Variants in AMBRA1 observed in about 807,000 individuals in gnomAD.
AMBRA1 encodes autophagy and beclin 1 regulator 1.
Under a neutral mutation model 125.4 loss-of-function variants are expected in AMBRA1, and 47 were observed. The observed-to-expected ratio is 0.37, with a 90% CI of 0.30 to 0.48. AMBRA1 has a LOEUF of 0.48. Among genes scored for constraint, AMBRA1 ranks in the 20% least tolerant of loss-of-function variants. The probability of loss-of-function intolerance (pLI) is 0.99; values close to 1 mark genes in which losing one functional copy is unlikely to be tolerated. For missense variants in AMBRA1, 1,331 were observed against 1,693.4 expected (o/e 0.79, Z 3.76); for synonymous variants, 626 against 655.5 (o/e 0.95, Z 0.69).
Position 46,547,882 on chromosome 11 carries a change from G to GAAAA in AMBRA1, c.136-8_136-7insTTTT. The GAAAA allele has an allele frequency of 6.6e-7, 1 of 1,517,194 alleles. No individual in the cohort carries two copies. The highest frequency in any genetic ancestry group is 8.7e-7 in the Non-Finnish European group (1 of 1,143,558). The allele number at this position is 1,517,194 out of a possible 1,614,324, so 94.0% of individuals were successfully genotyped here. On this transcript the variant is annotated splice_polypyrimidine_tract_variant and splice_region_variant and intron_variant, in intron 2 of 17. Coordinates refer to ENST00000683756, the MANE Select transcript of AMBRA1 (RefSeq NM_001387011.1). ...TATCCGGCAGTTCTACTCTCTGGGA[G>GAAAA]ACAAAAAAAAAAAAAAAGTTAAAAT...
chr11:46,558,426 G>A (rs1591119232), intron 1 of AMBRA1, among the ~76,000 whole-genome samples: 1 of 151,872 alleles, frequency 6.6e-6, no homozygotes, highest in Non-Finnish European at 1.5e-5. Flanking sequence ...GCACATGCCT[G>A]TAATCCCAGC....
intron 15 of AMBRA1, among the ~76,000 whole-genome samples, chr11:46,417,299 C>T (rs1399413966): frequency 6.6e-6 from 1 of 152,140 alleles, no homozygotes; most frequent in Non-Finnish European, 1.5e-5. Context: ...ATCCGCCTGC[C>T]TCAGCTTCTC....
At chr11:46,589,141 C>T (rs747903825) in intron 1 of AMBRA1, among the ~76,000 whole-genome samples, 1 of 152,196 alleles carries the variant, frequency 6.6e-6, no homozygotes, top group Non-Finnish European at 1.5e-5. Flanking sequence ...CTCCTGATTA[C>T]TTAATCTATT....
chr11:46,541,965 A>G lies in AMBRA1; in HGVS notation c.2052T>C (p.Ser684=), dbSNP rs1952765462. ...ALHQDMPEES[S]EEDSLRRRLL... ...CTTACCTCCTGAGTGAATCCTCCTCAGAGCTCTCCTCAGGCATATCCTGAT... is the reference window on the plus strand; with the variant it reads ...CTTACCTCCTGAGTGAATCCTCCTCGGAGCTCTCCTCAGGCATATCCTGAT... Residue 684 remains serine (S), a synonymous_variant, in exon 7 of 18, where the codon TCT becomes TCC. Coordinates refer to ENST00000683756, the MANE Select transcript of AMBRA1 (RefSeq NM_001387011.1). The G allele has an allele frequency of 2.5e-6, 4 of 1,612,318 alleles. No homozygotes were observed. Among genetic ancestry groups the G allele is most frequent in the Non-Finnish European group, 3.4e-6 (4 of 1,179,562 alleles).
chr11:46,511,010 G>A (rs985771103), intron 8 of AMBRA1, among the ~76,000 whole-genome samples: 1 of 152,142 alleles, frequency 6.6e-6, no homozygotes, highest in Non-Finnish European at 1.5e-5. Flanking sequence ...TGTATTCAAA[G>A]TGTAAAAATA....
In AMBRA1 at chr11:46,543,177, C is replaced by T; in HGVS notation, c.840G>A (p.Glu280=). Residue 280 remains glutamate (E), a synonymous_variant, in exon 7 of 18, where the codon GAG becomes GAA. Transcript: ENST00000683756. Reference sequence around the variant, plus strand: ...TGATGTAAGCGGAAGTCCTGGGGCGCTCCGTGGAGGGCTGAGGGGGAGGCG... The same window carrying T: ...TGATGTAAGCGGAAGTCCTGGGGCGTTCCGTGGAGGGCTGAGGGGGAGGCG... ...PPPPPPQPST[E]RPRTSAYIRL... 2 of 1,571,768 alleles carry T rather than the reference C, an allele frequency of 1.3e-6. No homozygotes were observed. Among genetic ancestry groups the T allele is most frequent in the Non-Finnish European group, 1.7e-6 (2 of 1,160,292 alleles).
At chr11:46,592,961 G>A (rs2044660131) in intron 1 of AMBRA1, among the ~76,000 whole-genome samples, 1 of 148,450 alleles carries the variant, frequency 6.7e-6, no homozygotes, top group South Asian at 2.1e-4. Flanking sequence ...AAACAATGTA[G>A]ACAACAAGGT....
chr11:46,532,850 C>A (rs906551612), intron 7 of AMBRA1, among the ~76,000 whole-genome samples: 1 of 152,220 alleles, frequency 6.6e-6, no homozygotes, highest in African/African-American at 2.4e-5. Context: ...AATTAATTTT[C>A]ATTTACCACT....
At chr11:46,402,990 TAC>T (rs1298072078) in intron 17 of AMBRA1, among the ~76,000 whole-genome samples, 1 of 152,190 alleles carries the variant, frequency 6.6e-6, no homozygotes, top group Non-Finnish European at 1.5e-5. Flanking sequence ...AAATGGCAGT[TAC>T]AGTCAGGGAT....
At chr11:46,510,341 C>G (rs1402758325) in intron 8 of AMBRA1, among the ~76,000 whole-genome samples, 1 of 152,198 alleles carries the variant, frequency 6.6e-6, no homozygotes, top group Admixed American at 6.5e-5. Context: ...AATTTTCAAC[C>G]AACAGAAGTC....
intron 12 of AMBRA1, among the ~76,000 whole-genome samples, chr11:46,436,506 C>G (rs1397407159): frequency 6.6e-6 from 1 of 152,232 alleles, no homozygotes; most frequent in East Asian, 1.9e-4. Context: ...CAAATACTCA[C>G]TGCTATCACC....
At chr11:46,593,716 C>A (rs1405083003) in intron 1 of AMBRA1, 112 bp downstream of exon 1, 2 of 377,872 alleles carry the variant, frequency 5.3e-6, no homozygotes, top group Non-Finnish European at 9.4e-6. Context: ...AGCCCCTCCT[C>A]TGGCAGTGTC....
At chr11:46,569,234 G>C (rs1426127023) in intron 1 of AMBRA1, among the ~76,000 whole-genome samples, 1 of 108,448 alleles carries the variant, frequency 9.2e-6, no homozygotes, top group East Asian at 2.7e-4. Flanking sequence ...CGACAAGAGG[G>C]AATCTCAAAA....
intron 7 of AMBRA1, among the ~76,000 whole-genome samples, chr11:46,536,615 G>A (rs1952491833): frequency 6.6e-6 from 1 of 152,138 alleles, no homozygotes; most frequent in South Asian, 2.1e-4. Flanking sequence ...CCCTTTTGTG[G>A]ACCTACAATC....
At chr11:46,544,409 C>T (rs1418482864) in intron 5 of AMBRA1, among the ~76,000 whole-genome samples, 2 of 152,160 alleles carry the variant, frequency 1.3e-5, no homozygotes, top group Non-Finnish European at 1.5e-5. Flanking sequence ...ATGGCAGCTA[C>T]ACCGGCAAGA....
rs577195724 is a variant in AMBRA1, at chr11:46,447,717, T to C, written c.2522-4119A>G. The stretch of plus-strand genomic sequence containing the variant: ...AGAGCCAGACCATCTTGTAGATAGA[T>C]AGATAGATAGATAGATAGATAGATA... On this transcript the variant is annotated intron_variant, in intron 11 of 17. Transcript: ENST00000683756. Among the ~76,000 whole-genome samples, 6 of 410 alleles carry C rather than the reference T, an allele frequency of 0.015. No homozygotes were observed. The South Asian group carries it at 0.25, about 17-fold the overall frequency. The allele number at this position is 410 out of a possible 152,430, so 0.3% of individuals were successfully genotyped here. A position where few individuals can be genotyped will look rare whatever the true frequency, so the allele number is the denominator to read the frequency against.
chr11:46,398,076 G>A (rs1945544120), intron 17 of AMBRA1, 133 bp from the exon 18 acceptor site: 2 of 1,210,082 alleles, frequency 1.7e-6, no homozygotes, highest in South Asian at 1.6e-5. Context: ...CTCCATCACT[G>A]TGAAAACCAA....
At chr11:46,564,451 T>C (rs1456386599) in intron 1 of AMBRA1, among the ~76,000 whole-genome samples, 1 of 151,950 alleles carries the variant, frequency 6.6e-6, no homozygotes, top group African/African-American at 2.4e-5. Context: ...AAACCAGGCA[T>C]AAAGAGGCTA....
At chr11:46,427,940 C>T (rs927675275) in intron 14 of AMBRA1, among the ~76,000 whole-genome samples, 1 of 133,460 alleles carries the variant, frequency 7.5e-6, no homozygotes, top group Non-Finnish European at 1.5e-5. Context: ...ACCCAGGTGG[C>T]GGAGGTTGCA....
Sources: gnomAD v4.1 joint callset for allele counts (sites outside exome capture counted in the v4.1 genomes callset) on GRCh38, gnomAD v4.1.1 for gene constraint, MANE v1.5 for transcripts, NCBI Gene and HGNC (gene_info 2026-07-23, HGNC 2026-07-21) for gene names.